CCDC102B: variants seen among roughly 807,000 people sequenced by gnomAD.
The protein encoded by CCDC102B is coiled-coil domain containing 102B, also known as coiled-coil domain-containing protein 102B.
In CCDC102B, 75 loss-of-function variants were observed where a neutral mutation model predicts 57.4. The observed-to-expected ratio is 1.31, with a 90% CI of 1.08 to 1.58. The LOEUF is 1.58. Ranked by LOEUF, CCDC102B falls within the 40% of genes most tolerant of loss-of-function variation. CCDC102B has a pLI of 0.00. For missense variants in CCDC102B, 636 were observed against 582.6 expected (o/e 1.09, Z -0.94); for synonymous variants, 206 against 201.9 (o/e 1.02, Z -0.17).
intron 6 of CCDC102B, among the ~76,000 whole-genome samples, chr18:68,974,500 T>C (rs1301584691): frequency 1.3e-5 from 2 of 152,084 alleles, no homozygotes; most frequent in Non-Finnish European, 2.9e-5. Context: ...CACCTTTTTT[T>C]CTATGGCATT....
chr18:68,767,204 A>T (rs2034497309), intron 2 of CCDC102B, among the ~76,000 whole-genome samples: 2 of 152,192 alleles, frequency 1.3e-5, no homozygotes, highest in Non-Finnish European at 2.9e-5. Context: ...TTGTAGTGTT[A>T]TGGACTGAAT....
chr18:68,727,597 G>A (rs988467569), intron 2 of CCDC102B, among the ~76,000 whole-genome samples: 5 of 152,222 alleles, frequency 3.3e-5, no homozygotes, highest in Non-Finnish European at 5.9e-5. Context: ...TTTCTGAAAA[G>A]CCATCTGAAG....
chr18:68,763,932 A>G (rs2034340743), intron 2 of CCDC102B, among the ~76,000 whole-genome samples: 1 of 152,068 alleles, frequency 6.6e-6, no homozygotes, highest in African/African-American at 2.4e-5. Flanking sequence ...CCATGTGCCT[A>G]AACAATGCAT....
chr18:69,018,591 A>G (rs957258869), intron 7 of CCDC102B, among the ~76,000 whole-genome samples: 2 of 152,100 alleles, frequency 1.3e-5, no homozygotes, highest in Admixed American at 1.3e-4. Flanking sequence ...CTATTCACGT[A>G]TTCTGCCCAT....
At chr18:68,815,348 G>C (rs772145864) in intron 1 of CCDC102B, among the ~76,000 whole-genome samples, 7 of 152,164 alleles carry the variant, frequency 4.6e-5, no homozygotes, top group Non-Finnish European at 8.8e-5. Context: ...AATGGACACA[G>C]ATAAACTGCA....
At chr18:68,907,761 T>C (rs923665459) in intron 6 of CCDC102B, among the ~76,000 whole-genome samples, 1 of 152,212 alleles carries the variant, frequency 6.6e-6, no homozygotes, top group Non-Finnish European at 1.5e-5. Context: ...TGCTTTGCAA[T>C]TTGCATGTCT....
At chr18:68,996,171 G>A (rs1568110819) in intron 6 of CCDC102B, among the ~76,000 whole-genome samples, 2 of 152,160 alleles carry the variant, frequency 1.3e-5, no homozygotes, top group African/African-American at 2.4e-5. Context: ...CCTACAATCA[G>A]GGTGGGCATC....
At chr18:68,971,887 T>C (rs2050310051) in intron 6 of CCDC102B, among the ~76,000 whole-genome samples, 1 of 152,152 alleles carries the variant, frequency 6.6e-6, no homozygotes, top group African/African-American at 2.4e-5. Flanking sequence ...ATGAAAAAGA[T>C]AGAAACATTT....
chr18:68,875,313 G>A (rs1026168768), intron 5 of CCDC102B, among the ~76,000 whole-genome samples: 1 of 152,132 alleles, frequency 6.6e-6, no homozygotes, highest in Admixed American at 6.6e-5. Flanking sequence ...TAAACACTGA[G>A]TGTTTTTTAC....
chr18:68,961,896 G>A (rs1230933549), intron 6 of CCDC102B, among the ~76,000 whole-genome samples: 1 of 151,758 alleles, frequency 6.6e-6, no homozygotes, highest in Non-Finnish European at 1.5e-5. Flanking sequence ...ATCCTCTGTG[G>A]GACTCTGCAA....
chr18:69,033,362 T>C (rs945847717), intron 7 of CCDC102B, among the ~76,000 whole-genome samples: 3 of 152,140 alleles, frequency 2.0e-5, no homozygotes, highest in Non-Finnish European at 4.4e-5. Flanking sequence ...ATCATCATGT[T>C]GTGTAACAAT....
At chr18:68,992,120 T>G (rs1389656067) in intron 6 of CCDC102B, among the ~76,000 whole-genome samples, 2 of 152,138 alleles carry the variant, frequency 1.3e-5, no homozygotes, top group African/African-American at 4.8e-5. Flanking sequence ...GGTTCTCTGA[T>G]TCAAAGGAAA....
At chr18:68,731,628 A>T (rs191199488) in intron 2 of CCDC102B, among the ~76,000 whole-genome samples, 4 of 151,280 alleles carry the variant, frequency 2.6e-5, no homozygotes, top group African/African-American at 7.3e-5. Context: ...GTATGTATAC[A>T]TATATAATAT....
At chr18:68,825,622 A>G (rs2036877723) in intron 1 of CCDC102B, among the ~76,000 whole-genome samples, 2 of 152,140 alleles carry the variant, frequency 1.3e-5, no homozygotes, top group South Asian at 4.1e-4. Flanking sequence ...CCAGGGAGAC[A>G]GAAGTTGCAG....
In CCDC102B at chr18:68,778,081, C is replaced by T. The variant is rs2034883951; in HGVS notation, c.-66-45285C>T. 2.6e-5 allele frequency among the ~76,000 whole-genome samples: 4 copies of T among 152,204 alleles called. No individual in the cohort carries two copies. In the South Asian group the frequency reaches 6.2e-4, roughly 24 times the overall value. On this transcript the variant is annotated intron_variant, in intron 2 of 3. Coordinates refer to the CCDC102B transcript ENST00000578970. ...GGGAGACATAACCCAAGACCAGCAC[C>T]TACAATCTAACAGCAGAACAACTTT...
intron 2 of CCDC102B, among the ~76,000 whole-genome samples, chr18:68,775,246 C>T (rs1362530563): frequency 2.6e-5 from 4 of 151,742 alleles, no homozygotes; most frequent in Non-Finnish European, 5.9e-5. Flanking sequence ...TTTGTATTTT[C>T]ACCAGTTTAC....
intron 6 of CCDC102B, among the ~76,000 whole-genome samples, chr18:68,927,721 C>T (rs1207582314): frequency 6.6e-6 from 1 of 151,888 alleles, no homozygotes; most frequent in Non-Finnish European, 1.5e-5. Flanking sequence ...AGAAATTACC[C>T]AATGCACTGT....
intron 7 of CCDC102B, 126 bp from the exon 8 acceptor site, chr18:69,053,904 G>A (rs976840115): frequency 1.4e-6 from 1 of 689,832 alleles, no homozygotes. Context: ...GTTTTGTGGT[G>A]AGAATACTTA....
At chr18:69,006,777 C>A (rs982499342) in intron 6 of CCDC102B, among the ~76,000 whole-genome samples, 1 of 151,984 alleles carries the variant, frequency 6.6e-6, no homozygotes, top group African/African-American at 2.4e-5. Context: ...CCATTTCTTC[C>A]CCTGAAAGTA....
Sources: gnomAD v4.1 joint callset for allele counts (sites outside exome capture counted in the v4.1 genomes callset) on GRCh38, gnomAD v4.1.1 for gene constraint, MANE v1.5 for transcripts, NCBI Gene and HGNC (gene_info 2026-07-23, HGNC 2026-07-21) for gene names.